The following LRRC17 variants were observed in gnomAD, a reference collection of about 807,000 sequenced individuals.
LRRC17 encodes the protein leucine rich repeat containing 17, also known as leucine-rich repeat-containing protein 17.
In LRRC17, 33 loss-of-function variants were observed where a neutral mutation model predicts 41.5. The ratio of observed to expected loss-of-function variants is 0.80; its 90% CI spans 0.60 to 1.06. The LOEUF is 1.06. Ranked by LOEUF, LRRC17 falls within the 50% of genes least tolerant of loss-of-function variation. The pLI is 0.00. For synonymous variants in LRRC17, 192 were observed against 197.0 expected, an observed-to-expected ratio of 0.97 and a Z score of 0.21; for missense variants, 491 against 519.3, an observed-to-expected ratio of 0.95 and a Z score of 0.53.
intron 1 of LRRC17, among the ~76,000 whole-genome samples, chr7:102,918,857 T>C (rs1433562112): frequency 6.6e-6 from 1 of 152,244 alleles, no homozygotes; most frequent in Non-Finnish European, 1.5e-5. Context: ...ATACTCTTTT[T>C]CTATGTTTAT....
chr7:102,926,339 C>CG (rs1301967444), intron 1 of LRRC17: 1 of 1,613,826 alleles, frequency 6.2e-7, no homozygotes, highest in African/African-American at 1.3e-5. Flanking sequence ...ACAGGACCCC[C>CG]GGGCAGCCCT....
rs560235650 is a variant in LRRC17, at chr7:102,945,103, A to T, written c.*496A>T. ...AAATTTCCATTTCTGATTTCTGTGCATTCCAAAATGAGGTCCTGATACATC... is the reference window on the plus strand; with the variant it reads ...AAATTTCCATTTCTGATTTCTGTGCTTTCCAAAATGAGGTCCTGATACATC... On this transcript the variant is annotated 3_prime_UTR_variant, in exon 4 of 4. Coordinates refer to ENST00000339431, the MANE Select transcript of LRRC17 (RefSeq NM_001031692.3). Among the ~76,000 whole-genome samples the T allele has an allele frequency of 6.6e-6, 1 of 152,258 alleles. No homozygotes were observed. The highest frequency in any genetic ancestry group is 2.1e-4 in the South Asian group (1 of 4,818).
chr7:102,936,499 A>G (rs917348801), intron 2 of LRRC17, among the ~76,000 whole-genome samples: 1 of 152,252 alleles, frequency 6.6e-6, no homozygotes, highest in African/African-American at 2.4e-5. Flanking sequence ...TTCTATAGCC[A>G]GAGTGGGTAG....
chr7:102,930,326 G>A (rs1358373454), intron 1 of LRRC17, among the ~76,000 whole-genome samples: 1 of 151,974 alleles, frequency 6.6e-6, no homozygotes, highest in Non-Finnish European at 1.5e-5. Flanking sequence ...TCTCGTTAGG[G>A]ACTTACTCCA....
At chr7:102,919,449 C>T (rs1816557164) in intron 1 of LRRC17, among the ~76,000 whole-genome samples, 1 of 152,040 alleles carries the variant, frequency 6.6e-6, no homozygotes, top group African/African-American at 2.4e-5. Context: ...CCTTCCCTAG[C>T]TGAGAAAAAA....
At position 102,944,752 on chromosome 7, in the gene LRRC17, T is replaced by G; in HGVS notation, c.*145T>G. The stretch of plus-strand genomic sequence containing the variant: ...CTTTCTTTAATTATAAGTATTATTG[T>G]GACTATTATAGTAATCAAGAGAATG... On this transcript the variant is annotated 3_prime_UTR_variant, in exon 4 of 4. Transcript: ENST00000339431. 2 of 706,744 alleles carry G rather than the reference T, an allele frequency of 2.8e-6. No homozygotes were observed. The highest frequency in any genetic ancestry group is 4.3e-5 in the South Asian group (2 of 46,534). The allele number at this position is 706,744 out of a possible 1,614,324, so 43.8% of individuals were successfully genotyped here.
At chr7:102,928,491 A>T (rs1818546581) in intron 1 of LRRC17, among the ~76,000 whole-genome samples, 1 of 152,194 alleles carries the variant, frequency 6.6e-6, no homozygotes, top group Non-Finnish European at 1.5e-5. Context: ...AAAGGGAAAA[A>T]CAATAGTAAA....
At chr7:102,919,836 T>C (rs1231383869) in intron 1 of LRRC17, among the ~76,000 whole-genome samples, 2 of 152,220 alleles carry the variant, frequency 1.3e-5, no homozygotes, top group Non-Finnish European at 2.9e-5. Context: ...TTTAAAATTA[T>C]ATTTCCAGTT....
At chr7:102,931,424 A>G (rs1819151853) in intron 1 of LRRC17, among the ~76,000 whole-genome samples, 1 of 152,178 alleles carries the variant, frequency 6.6e-6, no homozygotes, top group South Asian at 2.1e-4. Context: ...CCTTTTACAA[A>G]GAGTATAAAG....
intron 3 of LRRC17, 46 bp downstream of exon 3, chr7:102,939,631 T>C (rs201366017): frequency 4.3e-5 from 66 of 1,539,550 alleles, no homozygotes; most frequent in Non-Finnish European, 5.6e-5. Context: ...AAGTGTTCTG[T>C]GATTTTTTTC....
intron 3 of LRRC17, 35 bp downstream of exon 3, chr7:102,939,620 C>G: frequency 6.4e-7 from 1 of 1,557,920 alleles, no homozygotes; most frequent in Admixed American, 2.0e-5. Flanking sequence ...CAATGGGTGG[C>G]AAGTGTTCTG....
intron 1 of LRRC17, among the ~76,000 whole-genome samples, chr7:102,915,773 T>C (rs1815730276): frequency 6.6e-6 from 1 of 152,256 alleles, no homozygotes; most frequent in Non-Finnish European, 1.5e-5. Flanking sequence ...TGTGCTTCTT[T>C]ATTAACATAT....
intron 2 of LRRC17, among the ~76,000 whole-genome samples, chr7:102,938,012 T>C (rs571870973): frequency 6.6e-6 from 1 of 152,338 alleles, no homozygotes; most frequent in East Asian, 1.9e-4. Flanking sequence ...CTATGTATTT[T>C]TGCCTTAAAT....
At chr7:102,942,274 G>T in intron 3 of LRRC17, 1 of 1,585,748 alleles carries the variant, frequency 6.3e-7, no homozygotes, top group Non-Finnish European at 8.6e-7. Flanking sequence ...AAAATGAAAG[G>T]TCTCCTATAT....
chr7:102,937,817 A>G (rs1358537592), intron 2 of LRRC17, among the ~76,000 whole-genome samples: 3 of 152,234 alleles, frequency 2.0e-5, no homozygotes, highest in Non-Finnish European at 2.9e-5. Flanking sequence ...TCATGGCTAG[A>G]ATTGAAGTGT....
rs1822056174 is a variant in LRRC17, at chr7:102,944,356, C to G, written c.1075C>G (p.His359Asp). ...DNPWRCDYNIHYLYYWLKHHY... is the reference protein window; with the variant it reads ...DNPWRCDYNIDYLYYWLKHHY... Reference sequence around the variant, plus strand: ...CCCTTGGAGATGTGACTACAACATTCACTACCTCTACTACTGGTTAAAGCA... The same window carrying G: ...CCCTTGGAGATGTGACTACAACATTGACTACCTCTACTACTGGTTAAAGCA... The change falls in exon 4 of 4, where the codon CAC (histidine) becomes GAC (aspartate). Residue 359 changes from histidine to aspartate, a missense_variant. Transcript: ENST00000339431. The G allele has an allele frequency of 1.2e-6, 2 of 1,613,980 alleles. No individual in the cohort carries two copies. Among genetic ancestry groups the G allele is most frequent in the South Asian group, 1.1e-5 (1 of 91,080 alleles).
chr7:102,930,202 G>C (rs1228274844), intron 1 of LRRC17, among the ~76,000 whole-genome samples: 1 of 152,184 alleles, frequency 6.6e-6, no homozygotes, highest in Non-Finnish European at 1.5e-5. Context: ...AGGTAGCAGG[G>C]AGGGGCCAAT....
intron 3 of LRRC17, among the ~76,000 whole-genome samples, chr7:102,941,614 A>G (rs1204292296): frequency 2.0e-5 from 3 of 152,056 alleles, no homozygotes; most frequent in Non-Finnish European, 2.9e-5. Flanking sequence ...GATGGCTACA[A>G]ACTAAAGAAT....
chr7:102,922,232 T>C (rs1380657228), intron 1 of LRRC17, among the ~76,000 whole-genome samples: 6 of 151,572 alleles, frequency 4.0e-5, no homozygotes, highest in Admixed American at 3.9e-4. Flanking sequence ...TAAACATTAC[T>C]GAGTGAAAGA....
Sources: allele counts gnomAD v4.1 joint callset (sites outside exome capture counted in the v4.1 genomes callset), GRCh38; gene constraint gnomAD v4.1.1; transcripts MANE v1.5; gene names NCBI Gene and HGNC (gene_info 2026-07-23, HGNC 2026-07-21).